Variants in PDCD6IP observed in about 807,000 individuals in gnomAD.
PDCD6IP encodes programmed cell death 6 interacting protein, also known as programmed cell death 6-interacting protein.
Under a neutral mutation model 103.7 loss-of-function variants are expected in PDCD6IP, and 43 were observed. The observed-to-expected ratio is 0.41, with a 90% CI of 0.32 to 0.53. The LOEUF is 0.53. Ranked by LOEUF, PDCD6IP falls within the 20% of genes least tolerant of loss-of-function variation. The pLI is 0.16. For synonymous variants in PDCD6IP, 354 were observed against 378.7 expected (o/e 0.93, Z 0.76); for missense variants, 871 against 1,036.7 (o/e 0.84, Z 2.20).
intron 1 of PDCD6IP, among the ~76,000 whole-genome samples, chr3:33,811,806 G>C (rs558684169): frequency 6.6e-6 from 1 of 152,228 alleles, no homozygotes; most frequent in Admixed American, 6.5e-5. Context: ...AAATATTTTG[G>C]TTTTCAGAGC....
intron 1 of PDCD6IP, 127 bp downstream of exon 1, chr3:33,799,064 C>G: frequency 2.2e-6 from 2 of 907,840 alleles, no homozygotes; most frequent in Non-Finnish European, 3.2e-6. Flanking sequence ...TGACCAGGCG[C>G]GTAGGTGTGG....
At chr3:33,812,552 A>T (rs953940000) in intron 2 of PDCD6IP, among the ~76,000 whole-genome samples, 1 of 152,254 alleles carries the variant, frequency 6.6e-6, no homozygotes, top group Non-Finnish European at 1.5e-5. Context: ...TGTTAATTAC[A>T]TGAATGTCAA....
intron 6 of PDCD6IP, chr3:33,827,247 A>C (rs1026630991): frequency 1.0e-6 from 1 of 952,386 alleles, no homozygotes; most frequent in Non-Finnish European, 1.3e-6. Flanking sequence ...TGATTAATAA[A>C]GAAAACTTAA....
At chr3:33,804,634 A>T (rs948708728) in intron 1 of PDCD6IP, among the ~76,000 whole-genome samples, 5 of 152,248 alleles carry the variant, frequency 3.3e-5, no homozygotes, top group African/African-American at 1.2e-4. Context: ...AGTAAATCTT[A>T]TCAGGACTAT....
rs182327593 is a variant in PDCD6IP at position 33,825,713 on chromosome 3, G to A, written c.616+373G>A. Among the ~76,000 whole-genome samples, 32 of 152,298 alleles carry A rather than the reference G, an allele frequency of 2.1e-4. No individual in the cohort carries two copies. The East Asian group carries it at 5.8e-3, about 28-fold the overall frequency. On this transcript the variant is annotated intron_variant, in intron 5 of 17. Coordinates refer to ENST00000307296, the MANE Select transcript of PDCD6IP (RefSeq NM_013374.6). ...GTTAGAAAACAACTTAGGTTTTGGC[G>A]ACGGGAGAGATGATAAGCAAGAATT...
chr3:33,805,075 G>T (rs7615676), intron 1 of PDCD6IP, among the ~76,000 whole-genome samples: 44,201 of 151,946 alleles, frequency 0.29, 6,657 homozygotes, highest in East Asian at 0.41. Flanking sequence ...ATTCTTTTCC[G>T]GCCGGGTGTG....
chr3:33,824,235 A>G (rs1315003442), intron 4 of PDCD6IP, among the ~76,000 whole-genome samples: 1 of 150,334 alleles, frequency 6.7e-6, no homozygotes, highest in African/African-American at 2.4e-5. Flanking sequence ...TGTGTTGTCT[A>G]TTTATCTAAC....
In PDCD6IP at chr3:33,798,738, T is replaced by C; in HGVS notation, c.10T>C (p.Phe4Leu). MAT[F>L]ISVQLKKTSE... ...GGCGGAGGCGCTGATCATGGCGACA[T>C]TCATCTCGGTGCAGCTGAAAAAGAC... Residue 4 changes from phenylalanine (F) to leucine (L), a missense_variant, in exon 1 of 18, where the codon TTC becomes CTC. By Grantham distance (22) the Phe-to-Leu change is conservative (BLOSUM62 0). This residue lies in a region of PDCD6IP where 114 missense variants were observed against 106.7 expected (regional missense o/e 1.07). Transcript: ENST00000307296. 1 of 1,561,606 alleles carries C rather than the reference T, an allele frequency of 6.4e-7. No individual in the cohort carries two copies. The highest frequency in any genetic ancestry group is 1.2e-5 in the South Asian group (1 of 85,040).
At chr3:33,818,826 C>T (rs1441370873) in intron 3 of PDCD6IP, among the ~76,000 whole-genome samples, 3 of 151,874 alleles carry the variant, frequency 2.0e-5, no homozygotes, top group Admixed American at 6.6e-5. Flanking sequence ...CAATCCCTTG[C>T]CTTTTAGTAT....
At chr3:33,849,405 T>A (rs1697665713) in intron 12 of PDCD6IP, among the ~76,000 whole-genome samples, 1 of 152,232 alleles carries the variant, frequency 6.6e-6, no homozygotes, top group African/African-American at 2.4e-5. Context: ...TTATTCTATT[T>A]TTGTGTATTT....
chr3:33,853,150 C>G (rs970954891), intron 13 of PDCD6IP, among the ~76,000 whole-genome samples: 11 of 152,100 alleles, frequency 7.2e-5, no homozygotes, highest in African/African-American at 2.2e-4. Context: ...GTCTCGATCT[C>G]CTGACCTCGT....
At chr3:33,861,827 TTC>T (rs1474174793) in intron 15 of PDCD6IP, among the ~76,000 whole-genome samples, 1 of 152,208 alleles carries the variant, frequency 6.6e-6, no homozygotes, top group Admixed American at 6.5e-5. Context: ...GCTTTTTAAT[TTC>T]TGTTTTCATT....
chr3:33,854,635 G>C (rs1697790213), intron 14 of PDCD6IP: 1 of 152,136 alleles, frequency 6.6e-6, no homozygotes, highest in Admixed American at 6.6e-5. Flanking sequence ...AAATACAGTA[G>C]GTAAAATGTA....
At chr3:33,803,262 C>T (rs901982920) in intron 1 of PDCD6IP, among the ~76,000 whole-genome samples, 3 of 152,204 alleles carry the variant, frequency 2.0e-5, no homozygotes, top group African/African-American at 7.2e-5. Context: ...TTCTCATCAG[C>T]AGGTATATGG....
chr3:33,814,610 T>C (rs563738284), intron 3 of PDCD6IP, among the ~76,000 whole-genome samples: 146 of 148,170 alleles, frequency 9.9e-4, no homozygotes, highest in African/African-American at 3.3e-3. Context: ...ATGTATTATA[T>C]ATGCACATAT....
chr3:33,810,162 A>C (rs11710383), intron 1 of PDCD6IP, among the ~76,000 whole-genome samples: 1 of 152,216 alleles, frequency 6.6e-6, no homozygotes, highest in Non-Finnish European at 1.5e-5. Context: ...ATTAGATATT[A>C]TACTCTGAAA....
chr3:33,798,632 T>TCAGTCCGC lies in PDCD6IP; in HGVS notation c.-85_-78dup, dbSNP rs372627622. The TCAGTCCGC allele has an allele frequency of 2.8e-4, 337 of 1,190,162 alleles. No homozygotes were observed. The highest frequency in any genetic ancestry group is 4.0e-4 in the African/African-American group (26 of 64,378). The allele number at this position is 1,190,162 out of a possible 1,614,324, so 73.7% of individuals were successfully genotyped here. On this transcript the variant is annotated 5_prime_UTR_variant, in exon 1 of 18. Transcript: ENST00000307296. The stretch of plus-strand genomic sequence containing the variant: ...GGCGGAGCGCAAGTCTGTCAGCCAG[T>TCAGTCCGC]CAGTCCGCCAGTCCGCCAGCCCAGT...
At chr3:33,812,033 T>C in intron 1 of PDCD6IP, 39 bp from the exon 2 acceptor site, 1 of 1,568,746 alleles carries the variant, frequency 6.4e-7, no homozygotes, top group South Asian at 1.2e-5. Flanking sequence ...GCATGTAATA[T>C]TTAGCTCTGG....
Position 33,798,824 on chromosome 3 carries a change from C to T in PDCD6IP, c.96C>T (p.Gly32=). The change falls in exon 1 of 18, where the codon GGC becomes GGT. Residue 32 remains glycine (G), a synonymous_variant. Coordinates refer to ENST00000307296, the MANE Select transcript of PDCD6IP (RefSeq NM_013374.6). ...VKFIQQTYPS[G]GEEQAQYCRA... is the part of the protein sequence containing the mutation. ...TCATCCAGCAGACTTACCCAAGCGGCGGGGAAGAGCAGGCCCAGTACTGCC... is the reference window on the plus strand; with the variant it reads ...TCATCCAGCAGACTTACCCAAGCGGTGGGGAAGAGCAGGCCCAGTACTGCC... 6.4e-7 allele frequency: 1 copy of T among 1,561,726 alleles called. No homozygotes were observed. Among genetic ancestry groups the T allele is most frequent in the Non-Finnish European group, 8.7e-7 (1 of 1,153,140 alleles).
Sources: gnomAD v4.1 joint callset for allele counts (sites outside exome capture counted in the v4.1 genomes callset) on GRCh38, gnomAD v4.1.1 for gene constraint, gnomAD v4.1.1 regional missense constraint, MANE v1.5 for transcripts, NCBI Gene and HGNC (gene_info 2026-07-23, HGNC 2026-07-21) for gene names.